The following PDE8B variants were observed in gnomAD, a reference collection of about 807,000 sequenced individuals.
PDE8B encodes the protein high affinity cAMP-specific and IBMX-insensitive 3',5'-cyclic phosphodiesterase 8B.
A neutral mutation model predicts 101.3 loss-of-function variants in PDE8B; 26 were observed. That is an observed-to-expected ratio of 0.26 (90% CI 0.19 to 0.36). The LOEUF is 0.36. PDE8B is among the 10% of genes least tolerant of loss of function. PDE8B has a pLI of 1.00. For synonymous variants in PDE8B, 424 were observed against 429.3 expected (o/e 0.99, Z 0.15); for missense variants, 810 against 1,163.1 (o/e 0.70, Z 4.42).
intron 1 of PDE8B, among the ~76,000 whole-genome samples, chr5:77,277,315 G>A (rs1001362680): frequency 2.6e-5 from 4 of 152,124 alleles, no homozygotes; most frequent in African/African-American, 7.2e-5. Context: ...AGGATTTTAG[G>A]AAACACCTAT....
At position 77,378,046 on chromosome 5, in the gene PDE8B, A is replaced by ACACACACACC. The variant is rs1554093112; in HGVS notation, c.1168-22199_1168-22198insACACACCCAC. On this transcript the variant is annotated intron_variant, in intron 10 of 21. Coordinates refer to ENST00000264917, the MANE Select transcript of PDE8B (RefSeq NM_003719.5). The stretch of plus-strand genomic sequence containing the variant: ...CACACACACACACACACACACACAC[A>ACACACACACC]CACCCCCTGTTGGTTCTTTGTCTAG... Among the ~76,000 whole-genome samples the ACACACACACC allele has an allele frequency of 1.0e-4, 10 of 99,566 alleles. No individual in the cohort carries two copies. In the East Asian group the frequency reaches 1.7e-3, roughly 17 times the overall value. The allele number at this position is 99,566 out of a possible 152,430, so 65.3% of individuals were successfully genotyped here.
At chr5:77,248,504 T>C (rs369945623) in intron 1 of PDE8B, among the ~76,000 whole-genome samples, 3 of 152,182 alleles carry the variant, frequency 2.0e-5, no homozygotes, top group South Asian at 2.1e-4. Context: ...ACACGGATCA[T>C]TGGCCTTGGT....
intron 10 of PDE8B, among the ~76,000 whole-genome samples, chr5:77,390,562 G>C (rs1380514046): frequency 6.6e-6 from 1 of 152,184 alleles, no homozygotes; most frequent in African/African-American, 2.4e-5. Flanking sequence ...CCACACTACA[G>C]AGAGACTGAC....
intron 20 of PDE8B, among the ~76,000 whole-genome samples, chr5:77,424,262 T>A (rs1009560509): frequency 2.0e-5 from 3 of 152,112 alleles, no homozygotes; most frequent in African/African-American, 7.2e-5. Context: ...TTGTTCTCAG[T>A]GTGAATGGAG....
the PDE8B span, among the ~76,000 whole-genome samples, chr5:77,101,128 C>T: frequency 6.6e-6 from 1 of 150,904 alleles, no homozygotes; most frequent in African/African-American, 2.4e-5. Context: ...CATCACCACG[C>T]CTGCCTGTTT....
intron 1 of PDE8B, among the ~76,000 whole-genome samples, chr5:77,212,387 TGAG>T (rs1056139982): frequency 2.6e-5 from 4 of 151,966 alleles, no homozygotes; most frequent in African/African-American, 9.7e-5. Context: ...AGTGGAGGAG[TGAG>T]GAGAAGGATA....
At chr5:77,226,249 C>T (rs1048230880) in intron 1 of PDE8B, among the ~76,000 whole-genome samples, 1 of 152,112 alleles carries the variant, frequency 6.6e-6, no homozygotes, top group Non-Finnish European at 1.5e-5. Context: ...ACATTCTATG[C>T]CCTCTGCCTT....
At chr5:77,198,816 A>G in the PDE8B span, among the ~76,000 whole-genome samples, 1 of 148,192 alleles carries the variant, frequency 6.7e-6, no homozygotes, top group Non-Finnish European at 1.5e-5. Flanking sequence ...ATGCTGTTCT[A>G]TTTGAAGATG....
the PDE8B span, among the ~76,000 whole-genome samples, chr5:77,133,154 GC>G: frequency 1.3e-5 from 2 of 152,198 alleles, no homozygotes; most frequent in African/African-American, 4.8e-5. Context: ...CAAGTATGTT[GC>G]AAGTAGGGGC....
chr5:77,170,062 C>T, the PDE8B span, among the ~76,000 whole-genome samples: 1 of 152,290 alleles, frequency 6.6e-6, no homozygotes, highest in South Asian at 2.1e-4. Context: ...CCCCTGAGAC[C>T]TGAACTAGGG....
chr5:77,123,819 A>G, the PDE8B span, among the ~76,000 whole-genome samples: 2 of 152,174 alleles, frequency 1.3e-5, no homozygotes, highest in Non-Finnish European at 2.9e-5. Flanking sequence ...GACAAGAACA[A>G]CTTTCAAGGA....
chr5:77,373,397 T>TA (rs1198314745), intron 10 of PDE8B, among the ~76,000 whole-genome samples: 1 of 152,192 alleles, frequency 6.6e-6, no homozygotes, highest in Non-Finnish European at 1.5e-5. Context: ...AGCTTTGTTG[T>TA]ATGTACACAC....
At chr5:77,403,315 T>C (rs1792705168) in intron 11 of PDE8B, among the ~76,000 whole-genome samples, 1 of 152,174 alleles carries the variant, frequency 6.6e-6, no homozygotes, top group African/African-American at 2.4e-5. Flanking sequence ...GGTGAAGGTT[T>C]AGTTATTGAA....
chr5:77,210,853 C>A lies in PDE8B; in HGVS notation c.-73C>A. The A allele has an allele frequency of 1.8e-6, 2 of 1,128,304 alleles. No individual in the cohort carries two copies. The highest frequency in any genetic ancestry group is 2.2e-6 in the Non-Finnish European group (2 of 925,490). The allele number at this position is 1,128,304 out of a possible 1,614,324, so 69.9% of individuals were successfully genotyped here. A position where few individuals can be genotyped will look rare whatever the true frequency, so the allele number is the denominator to read the frequency against. On this transcript the variant is annotated 5_prime_UTR_variant, in exon 1 of 22. Transcript: ENST00000264917. The surrounding 1 kb of genome is among the most constrained non-coding windows in gnomAD (Gnocchi z 4.9). ...CGCCGCCGCGGCCGCCCCCTCACTG[C>A]AGGTGGCAGCGGGTGCGCTGGGTCC...
intron 7 of PDE8B, among the ~76,000 whole-genome samples, chr5:77,345,342 T>C (rs1779951457): frequency 6.6e-6 from 1 of 152,132 alleles, no homozygotes; most frequent in Non-Finnish European, 1.5e-5. Context: ...ATATTTTTAG[T>C]AGAGATTGGG....
chr5:77,243,569 C>T (rs1255194247), intron 1 of PDE8B, among the ~76,000 whole-genome samples: 2 of 152,150 alleles, frequency 1.3e-5, no homozygotes, highest in Non-Finnish European at 2.9e-5. Context: ...TTTAACTTTT[C>T]TGGAAATTTT....
the PDE8B span, among the ~76,000 whole-genome samples, chr5:77,103,479 C>T: frequency 6.6e-6 from 1 of 152,136 alleles, no homozygotes; most frequent in African/African-American, 2.4e-5. Flanking sequence ...TTATAGCACA[C>T]GGGAATAGCA....
chr5:77,178,704 T>G, the PDE8B span, among the ~76,000 whole-genome samples: 2 of 152,284 alleles, frequency 1.3e-5, no homozygotes, highest in African/African-American at 2.4e-5. Context: ...CTTTACTAGA[T>G]CCTCTGTTTT....
At chr5:77,389,912 G>A (rs948255672) in intron 10 of PDE8B, among the ~76,000 whole-genome samples, 8 of 152,126 alleles carry the variant, frequency 5.3e-5, no homozygotes, top group Non-Finnish European at 1.0e-4. Flanking sequence ...AAGTTTTCTT[G>A]TGAATATATG....
Sources: gnomAD v4.1 joint callset for allele counts (sites outside exome capture counted in the v4.1 genomes callset) on GRCh38, gnomAD v4.1.1 for gene constraint, Gnocchi (gnomAD v3.1) non-coding constraint, MANE v1.5 for transcripts, NCBI Gene and HGNC (gene_info 2026-07-23, HGNC 2026-07-21) for gene names.